The following KIAA1217 variants were observed in gnomAD, a reference collection of about 807,000 sequenced individuals.
KIAA1217 encodes the protein KIAA1217.
Under a neutral mutation model 163.9 loss-of-function variants are expected in KIAA1217, and 88 were observed. That is an observed-to-expected ratio of 0.54 (90% confidence interval 0.45 to 0.64). KIAA1217 has a LOEUF of 0.64. Ranked by LOEUF, KIAA1217 falls within the 30% of genes least tolerant of loss-of-function variation. The pLI, the probability that KIAA1217 is intolerant of heterozygous loss-of-function variation, is 0.00. For missense variants in KIAA1217, 2,372 were observed against 2,475.0 expected (o/e 0.96, Z 0.88); for synonymous variants, 903 against 923.1 (o/e 0.98, Z 0.39).
In KIAA1217 at chr10:24,533,160, C is replaced by T. The variant is rs907124761; in HGVS notation, c.3337C>T (p.Pro1113Ser). The change falls in exon 16 of 21, where the codon CCG (proline) becomes TCG (serine). Residue 1113 changes from proline to serine, a missense_variant. This residue lies in a region of KIAA1217 where 1,431 missense variants were observed against 1,470.3 expected (regional missense o/e 0.97). Coordinates refer to ENST00000376454, the MANE Select transcript of KIAA1217 (RefSeq NM_019590.5). ...EPASAWTPSPPPVTTSSSKDE... is the reference protein window; with the variant it reads ...EPASAWTPSPSPVTTSSSKDE... ...TGCTTCAGCCTGGACCCCATCCCCA[C>T]CGCCTGTCACCACCTCCTCCTCAAA... 1 of 1,613,854 alleles carries T rather than the reference C, an allele frequency of 6.2e-7. No homozygotes were observed. The highest frequency in any genetic ancestry group is 8.5e-7 in the Non-Finnish European group (1 of 1,179,940).
chr10:24,355,360 G>A (rs2048956474), intron 2 of KIAA1217, among the ~76,000 whole-genome samples: 2 of 152,186 alleles, frequency 1.3e-5, no homozygotes, highest in Admixed American at 1.3e-4. Flanking sequence ...ATTTCTCATA[G>A]TTCTGGAGGC....
In KIAA1217 at chr10:24,501,253, T is replaced by G. The variant is rs558510395; in HGVS notation, c.1835-126T>G. The G allele has an allele frequency of 1.6e-4, 119 of 736,404 alleles. 1 individual carries two copies. In the African/African-American group the frequency reaches 1.8e-3, roughly 11 times the overall value. The allele number at this position is 736,404 out of a possible 1,614,324, so 45.6% of individuals were successfully genotyped here. Reference sequence around the variant, plus strand: ...CATAACACTGTGTGATTCATATATATGCATATTTTTTGTAATGAGAGAATT... The same window carrying G: ...CATAACACTGTGTGATTCATATATAGGCATATTTTTTGTAATGAGAGAATT... On this transcript the variant is annotated intron_variant, in intron 8 of 20. Coordinates refer to ENST00000376454, the MANE Select transcript of KIAA1217 (RefSeq NM_019590.5).
chr10:24,413,040 T>A (rs2057937326), intron 3 of KIAA1217, among the ~76,000 whole-genome samples: 1 of 152,194 alleles, frequency 6.6e-6, no homozygotes, highest in South Asian at 2.1e-4. Context: ...AGAAATCTCA[T>A]TCACTCTTCT....
At chr10:23,975,510 AATGCAC>A (rs1589168268) in intron 1 of KIAA1217, among the ~76,000 whole-genome samples, 1 of 152,342 alleles carries the variant, frequency 6.6e-6, no homozygotes, top group East Asian at 1.9e-4. Context: ...TTCTGATTAA[AATGCAC>A]AGGCCAATGC....
At chr10:24,527,191 A>G (rs2072318878) in intron 13 of KIAA1217, among the ~76,000 whole-genome samples, 1 of 152,048 alleles carries the variant, frequency 6.6e-6, no homozygotes, top group Non-Finnish European at 1.5e-5. Flanking sequence ...TGTGACCCAG[A>G]GGGCATATAG....
Position 24,520,253 on chromosome 10 carries a change from G to A in KIAA1217, c.2308G>A (p.Gly770Arg). Residue 770 changes from glycine (G) to arginine (R), a missense_variant and splice_region_variant, in exon 11 of 21, where the codon GGA (glycine) becomes AGA (arginine). By Grantham distance (125) the Gly-to-Arg change is moderately radical. This residue lies in a region of KIAA1217 where 1,431 missense variants were observed against 1,470.3 expected (regional missense o/e 0.97). Coordinates refer to ENST00000376454, the MANE Select transcript of KIAA1217 (RefSeq NM_019590.5). ...QVGEAVATLKGEFPTLQNKMR... is the reference protein window; with the variant it reads ...QVGEAVATLKREFPTLQNKMR... ...GGGAGAGGCTGTAGCTACCCTGAAA[G>A]GTAAACTTTCTGCTGGGTCGGGGGA... 6.2e-7 allele frequency: 1 copy of A among 1,613,914 alleles called. No individual in the cohort carries two copies.
At chr10:24,473,074 G>A (rs2063699987) in intron 5 of KIAA1217, among the ~76,000 whole-genome samples, 154 bp from the exon 6 acceptor site, 1 of 152,168 alleles carries the variant, frequency 6.6e-6, no homozygotes, top group African/African-American at 2.4e-5. Flanking sequence ...CACCCCATCT[G>A]CAAAGTCTCT....
At chr10:24,283,814 C>T (rs2078237809) in intron 2 of KIAA1217, among the ~76,000 whole-genome samples, 1 of 152,076 alleles carries the variant, frequency 6.6e-6, no homozygotes, top group Non-Finnish European at 1.5e-5. Context: ...GGATTTTAGT[C>T]ATTATAGTAG....
intron 1 of KIAA1217, among the ~76,000 whole-genome samples, chr10:23,734,050 A>G (rs1179811515): frequency 1.3e-5 from 2 of 152,128 alleles, no homozygotes; most frequent in African/African-American, 2.4e-5. Flanking sequence ...ACATTGATGT[A>G]GACATGTGAA....
chr10:24,221,787 C>T (rs2069687539), intron 2 of KIAA1217, among the ~76,000 whole-genome samples: 1 of 152,188 alleles, frequency 6.6e-6, no homozygotes. Context: ...GTAATCCCAA[C>T]ACTTTGGGAA....
intron 2 of KIAA1217, among the ~76,000 whole-genome samples, chr10:24,335,388 G>T (rs1036558933): frequency 1.8e-4 from 27 of 151,334 alleles, no homozygotes; most frequent in African/African-American, 6.5e-4. Context: ...CGTCTCCCTG[G>T]TTCAAGCAGT....
At chr10:24,179,751 G>C (rs1589798316) in intron 2 of KIAA1217, among the ~76,000 whole-genome samples, 1 of 152,098 alleles carries the variant, frequency 6.6e-6, no homozygotes, top group South Asian at 2.1e-4. Context: ...ACCACATCCG[G>C]CTAATTTTTT....
chr10:23,977,811 CA>C (rs1845600871), intron 1 of KIAA1217, among the ~76,000 whole-genome samples: 1 of 152,088 alleles, frequency 6.6e-6, no homozygotes, highest in Non-Finnish European at 1.5e-5. Flanking sequence ...TGGAAGAGAC[CA>C]AATAGACCAG....
At chr10:23,928,594 G>A (rs1257975803) in intron 1 of KIAA1217, among the ~76,000 whole-genome samples, 2 of 152,124 alleles carry the variant, frequency 1.3e-5, no homozygotes, top group African/African-American at 2.4e-5. Flanking sequence ...TTGTTCTCCT[G>A]TAACTTAAAG....
chr10:24,149,497 A>G (rs2064501262), intron 2 of KIAA1217, among the ~76,000 whole-genome samples: 1 of 151,982 alleles, frequency 6.6e-6, no homozygotes. Context: ...TTTTTTTTTA[A>G]TGTAAGAAAA....
intron 2 of KIAA1217, among the ~76,000 whole-genome samples, chr10:24,055,538 T>C (rs558280766): frequency 1.3e-3 from 202 of 152,296 alleles, no homozygotes; most frequent in Non-Finnish European, 2.2e-3. Flanking sequence ...CCATTCTTAC[T>C]TGTAATTTCA....
chr10:24,544,259 C>T lies in KIAA1217; in HGVS notation c.4989C>T (p.Tyr1663=), dbSNP rs1423313920. Residue 1663 remains tyrosine, a synonymous_variant, in exon 19 of 21, where the codon TAC becomes TAT. Transcript: ENST00000376454. ...SRTDEIRKNT[Y]RTLDSLEQTI... is the part of the protein sequence containing the mutation. ...CTGATGAAATTAGAAAAAACACCTA[C>T]AGAACATTGGATAGCCTGGAGCAGA... 1.1e-5 allele frequency: 18 copies of T among 1,614,050 alleles called. No individual in the cohort carries two copies. Among genetic ancestry groups the T allele is most frequent in the Non-Finnish European group, 1.4e-5 (16 of 1,180,042 alleles).
chr10:24,219,353 C>A (rs1187874026), intron 1 of KIAA1217, among the ~76,000 whole-genome samples: 1 of 151,990 alleles, frequency 6.6e-6, no homozygotes, highest in Non-Finnish European at 1.5e-5. Context: ...CTTAAGCGAT[C>A]CTCCCGCCTT....
intron 2 of KIAA1217, among the ~76,000 whole-genome samples, chr10:24,201,693 G>A (rs543375376): frequency 5.5e-5 from 8 of 145,850 alleles, no homozygotes; most frequent in Admixed American, 2.0e-4. Context: ...GCCCTACCCC[G>A]CCTCTGCTTC....
Sources: gnomAD v4.1 joint callset for allele counts (sites outside exome capture counted in the v4.1 genomes callset) on GRCh38, gnomAD v4.1.1 for gene constraint, gnomAD v4.1.1 regional missense constraint, MANE v1.5 for transcripts, NCBI Gene and HGNC (gene_info 2026-07-23, HGNC 2026-07-21) for gene names.